The following NAA25 variants were observed in gnomAD, a reference collection of about 807,000 sequenced individuals.
NAA25 encodes the protein N-terminal acetyltransferase B complex subunit NAA25.
Under a neutral mutation model 132.5 loss-of-function variants are expected in NAA25, and 30 were observed. The ratio of observed to expected loss-of-function variants is 0.23; its 90% CI spans 0.17 to 0.31. NAA25 has a LOEUF of 0.31. Among genes scored for constraint, NAA25 ranks in the 10% least tolerant of loss-of-function variants. The pLI, the probability that NAA25 is intolerant of heterozygous loss-of-function variation, is 1.00. For synonymous variants in NAA25, 359 were observed against 401.9 expected (o/e 0.89, Z 1.28); for missense variants, 771 against 1,150.4 (o/e 0.67, Z 4.77).
chr12:112,033,393 T>A lies in NAA25; in HGVS notation c.2650-14A>T. 6.3e-7 allele frequency: 1 copy of A among 1,589,758 alleles called. No individual in the cohort carries two copies. Among genetic ancestry groups the A allele is most frequent in the Admixed American group, 1.9e-5 (1 of 52,896 alleles). On this transcript the variant is annotated splice_polypyrimidine_tract_variant and intron_variant, in intron 22 of 23. Transcript: ENST00000261745. ...AAAGACAGGTGGCTGGGAAAAAGAT[T>A]AAAAAAGAGTTGAAACATTATCAAA...
At chr12:112,088,582 T>C (rs1221292066) in intron 3 of NAA25, among the ~76,000 whole-genome samples, 3 of 151,930 alleles carry the variant, frequency 2.0e-5, no homozygotes, top group African/African-American at 7.2e-5. Context: ...TAGTGATCTA[T>C]TTCCCCTTAT....
chr12:112,047,072 T>C (rs1315046757), intron 17 of NAA25, among the ~76,000 whole-genome samples: 1 of 152,146 alleles, frequency 6.6e-6, no homozygotes, highest in East Asian at 1.9e-4. Flanking sequence ...GTGAAGTAGA[T>C]CTAACTTTTA....
At chr12:112,036,039 C>T (rs2078220593) in intron 22 of NAA25, among the ~76,000 whole-genome samples, 1 of 152,070 alleles carries the variant, frequency 6.6e-6, no homozygotes, top group African/African-American at 2.4e-5. Flanking sequence ...AAAAGACCCC[C>T]ATTGATAGTA....
chr12:112,062,022 A>G (rs1408377510), intron 11 of NAA25, among the ~76,000 whole-genome samples: 2 of 152,212 alleles, frequency 1.3e-5, no homozygotes, highest in Non-Finnish European at 2.9e-5. Flanking sequence ...AAACCCACAT[A>G]CCAGTTCTAG....
chr12:112,057,575 C>T (rs2078565549), intron 13 of NAA25, among the ~76,000 whole-genome samples: 1 of 152,286 alleles, frequency 6.6e-6, no homozygotes, highest in South Asian at 2.1e-4. Flanking sequence ...GTATTACTGG[C>T]CAGGTGCAGT....
At position 112,027,338 on chromosome 12, in the gene NAA25, T is replaced by C. The variant is rs559664241; in HGVS notation, c.*2193A>G. Reference sequence around the variant, plus strand: ...ATATATATATATATTTTTTTAACTGTACACAATTTATAGTACATGAGGGTT... The same window carrying C: ...ATATATATATATATTTTTTTAACTGCACACAATTTATAGTACATGAGGGTT... On this transcript the variant is annotated 3_prime_UTR_variant, in exon 24 of 24. Coordinates refer to ENST00000261745, the MANE Select transcript of NAA25 (RefSeq NM_024953.4). 14 of 152,156 alleles carry C rather than the reference T, an allele frequency of 9.2e-5. No individual in the cohort carries two copies. The highest frequency in any genetic ancestry group is 2.9e-5 in the Non-Finnish European group (2 of 67,982). 9.4% of individuals were successfully genotyped at this position (152,156 alleles called of 1,614,324 possible).
At chr12:112,095,293 C>T (rs1485466701) in intron 1 of NAA25, among the ~76,000 whole-genome samples, 4 of 151,776 alleles carry the variant, frequency 2.6e-5, no homozygotes, top group African/African-American at 9.7e-5. Context: ...AAAAATTAGC[C>T]GGGCATGGTG....
At chr12:112,057,276 T>G (rs896517253) in intron 13 of NAA25, among the ~76,000 whole-genome samples, 1 of 152,236 alleles carries the variant, frequency 6.6e-6, no homozygotes, top group African/African-American at 2.4e-5. Flanking sequence ...ACATGCCTAA[T>G]AATCAACTGT....
chr12:112,036,765 T>A (rs1308305162), intron 22 of NAA25, among the ~76,000 whole-genome samples: 2 of 151,498 alleles, frequency 1.3e-5, no homozygotes, highest in East Asian at 3.9e-4. Context: ...GGAGAATCGC[T>A]TGAAACTGGA....
intron 8 of NAA25, 77 bp from the exon 9 acceptor site, chr12:112,074,841 AT>A (rs1206852289): frequency 1.0e-6 from 1 of 983,294 alleles, no homozygotes; most frequent in Middle Eastern, 2.1e-4. Flanking sequence ...ATGATATTCA[AT>A]TTATTTTGTA....
intron 1 of NAA25, among the ~76,000 whole-genome samples, chr12:112,105,424 T>G (rs933881606): frequency 6.6e-6 from 1 of 152,132 alleles, no homozygotes; most frequent in East Asian, 1.9e-4. Context: ...AATAATCAAG[T>G]ATGGGTTCCA....
chr12:112,068,782 T>C, intron 11 of NAA25, 98 bp downstream of exon 11: 1 of 666,648 alleles, frequency 1.5e-6, no homozygotes. Context: ...CTCATGATTA[T>C]CAATTCCGCA....
chr12:112,063,213 C>T (rs557061585), intron 11 of NAA25, among the ~76,000 whole-genome samples: 8 of 152,264 alleles, frequency 5.3e-5, no homozygotes, highest in African/African-American at 1.9e-4. Flanking sequence ...GAGGCAGACC[C>T]CAATAAGCAG....
chr12:112,094,358 AGAT>A (rs2079183398), intron 1 of NAA25, among the ~76,000 whole-genome samples: 1 of 152,110 alleles, frequency 6.6e-6, no homozygotes, highest in Non-Finnish European at 1.5e-5. Flanking sequence ...ATACATATTT[AGAT>A]GAGATGACAT....
At chr12:112,086,568 TAAGA>T (rs1448554085) in intron 4 of NAA25, among the ~76,000 whole-genome samples, 2 of 152,130 alleles carry the variant, frequency 1.3e-5, no homozygotes, top group Non-Finnish European at 2.9e-5. Flanking sequence ...AGACTGATTT[TAAGA>T]AAGAGTTTAT....
chr12:112,033,049 A>AG (rs1355447923), intron 23 of NAA25, among the ~76,000 whole-genome samples, 184 bp downstream of exon 23: 2 of 152,222 alleles, frequency 1.3e-5, no homozygotes, highest in East Asian at 3.8e-4. Flanking sequence ...AGAAATGAAG[A>AG]GGGGAAAAAA....
At chr12:112,061,488 G>GAAA in intron 11 of NAA25, 100 bp from the exon 12 acceptor site, 1 of 748,320 alleles carries the variant, frequency 1.3e-6, no homozygotes, top group Non-Finnish European at 2.0e-6. Flanking sequence ...AAGACATCAA[G>GAAA]AAAAAAAAAA....
intron 1 of NAA25, among the ~76,000 whole-genome samples, chr12:112,093,770 C>T (rs1266581599): frequency 2.0e-5 from 3 of 151,892 alleles, no homozygotes; most frequent in African/African-American, 7.3e-5. Context: ...ATCCCAGCTA[C>T]TCAGGAGGCT....
intron 4 of NAA25, among the ~76,000 whole-genome samples, chr12:112,084,100 G>T (rs2079009836): frequency 6.6e-6 from 1 of 152,136 alleles, no homozygotes; most frequent in African/African-American, 2.4e-5. Context: ...TAAAAACATG[G>T]ATCTAAGTTG....
Sources: allele counts gnomAD v4.1 joint callset (sites outside exome capture counted in the v4.1 genomes callset), GRCh38; gene constraint gnomAD v4.1.1; transcripts MANE v1.5; gene names NCBI Gene and HGNC (gene_info 2026-07-23, HGNC 2026-07-21).